Variants in USH2A observed in about 807,000 individuals in gnomAD.
The protein encoded by USH2A is usherin.
A neutral mutation model predicts 538.9 loss-of-function variants in USH2A; 443 were observed. That is an observed-to-expected ratio of 0.82 (90% confidence interval 0.76 to 0.89). The LOEUF is 0.89. USH2A is among the 40% of genes least tolerant of loss of function. The pLI is 0.00. For missense variants in USH2A, 6,633 were observed against 6,324.8 expected (o/e 1.05, Z -1.65); for synonymous variants, 2,413 against 2,273.5 (o/e 1.06, Z -1.75).
intron 71 of USH2A, 36 bp from the exon 72 acceptor site, chr1:215,625,906 T>TG (rs1316736085): frequency 6.4e-7 from 1 of 1,563,880 alleles, no homozygotes; most frequent in Admixed American, 1.7e-5. Flanking sequence ...GCTACATACT[T>TG]GCTATCAATA....
At chr1:216,289,170 T>G in intron 11 of USH2A, 110 bp downstream of exon 11, 10 of 1,506,408 alleles carry the variant, frequency 6.6e-6, no homozygotes, top group African/African-American at 1.4e-5. Context: ...CAAATGCACA[T>G]AGAGGATTTC....
At chr1:216,212,259 G>C (rs1366121858) in intron 15 of USH2A, among the ~76,000 whole-genome samples, 1 of 152,130 alleles carries the variant, frequency 6.6e-6, no homozygotes, top group Non-Finnish European at 1.5e-5. Context: ...AATCTTGTCT[G>C]ACTCCACAGC....
At chr1:215,810,557 CACTATT>C (rs1662639002) in intron 49 of USH2A, among the ~76,000 whole-genome samples, 2 of 152,210 alleles carry the variant, frequency 1.3e-5, no homozygotes, top group Admixed American at 1.3e-4. Context: ...GAAATGAAAA[CACTATT>C]ACTTAGTTCC....
chr1:216,026,410 C>T (rs992939021), intron 32 of USH2A, among the ~76,000 whole-genome samples: 1 of 152,042 alleles, frequency 6.6e-6, no homozygotes, highest in East Asian at 1.9e-4. Flanking sequence ...ATGAGCTTTG[C>T]AATAGTCATG....
Position 215,759,767 on chromosome 1 carries a change from G to C in USH2A, c.11124C>G (p.Pro3708=), listed in dbSNP as rs773828586. ...ATTGATATTGAGAAACGAGGCCATT[G>C]GGCTTTTCTGGCAGACTCCAATATA... ...VELYWSLPEK[P]NGLVSQYQLS... Residue 3708 remains proline, a synonymous_variant, in exon 57 of 72, where the codon CCC becomes CCG. Transcript: ENST00000307340. 6.2e-6 allele frequency: 10 copies of C among 1,614,046 alleles called. No homozygotes were observed. In the Admixed American group the frequency reaches 1.7e-4, roughly 27 times the overall value.
chr1:215,799,718 C>T (rs1275268531), intron 49 of USH2A, among the ~76,000 whole-genome samples: 2 of 152,042 alleles, frequency 1.3e-5, no homozygotes, highest in Non-Finnish European at 2.9e-5. Flanking sequence ...AGGTGTGGTG[C>T]TTTACACCTG....
chr1:215,817,931 T>C (rs932045694), intron 47 of USH2A, among the ~76,000 whole-genome samples: 1 of 152,012 alleles, frequency 6.6e-6, no homozygotes, highest in African/African-American at 2.4e-5. Context: ...TTCCTCTTTC[T>C]TCTCCTACTT....
chr1:215,680,428 A>G (rs779020245), intron 61 of USH2A, 52 bp from the exon 62 acceptor site: 2 of 1,568,888 alleles, frequency 1.3e-6, no homozygotes, highest in South Asian at 1.1e-5. Flanking sequence ...TGAAACTGAC[A>G]ATATTGCTGG....
At chr1:215,946,961 A>C (rs1666774095) in intron 37 of USH2A, among the ~76,000 whole-genome samples, 1 of 152,050 alleles carries the variant, frequency 6.6e-6, no homozygotes, top group Non-Finnish European at 1.5e-5. Flanking sequence ...AAAATAATGT[A>C]TTATCTCATT....
intron 28 of USH2A, 24 bp downstream of exon 28, chr1:216,073,073 T>G (rs748590919): frequency 6.2e-7 from 1 of 1,613,724 alleles, no homozygotes; most frequent in Non-Finnish European, 8.5e-7. Context: ...ATGTAACATT[T>G]AATTTAGAGG....
chr1:216,206,618 T>C (rs149288247), intron 16 of USH2A, among the ~76,000 whole-genome samples: 16 of 152,258 alleles, frequency 1.1e-4, no homozygotes, highest in African/African-American at 2.2e-4. Flanking sequence ...AGCCTGGGGA[T>C]TGGGGACCCC....
At chr1:216,287,202 A>T (rs1285439430) in intron 11 of USH2A, among the ~76,000 whole-genome samples, 1 of 152,234 alleles carries the variant, frequency 6.6e-6, no homozygotes, top group Non-Finnish European at 1.5e-5. Flanking sequence ...AAAAGATCAC[A>T]TGATCATAAT....
At chr1:216,371,219 C>T (rs946748995) in intron 3 of USH2A, among the ~76,000 whole-genome samples, 1 of 152,206 alleles carries the variant, frequency 6.6e-6, no homozygotes, top group Non-Finnish European at 1.5e-5. Context: ...AATCCCTTTT[C>T]CATGTGAGAG....
intron 50 of USH2A, among the ~76,000 whole-genome samples, chr1:215,791,953 A>G (rs1353552113): frequency 1.3e-5 from 2 of 152,090 alleles, no homozygotes; most frequent in Non-Finnish European, 2.9e-5. Flanking sequence ...TTGTTCGGGC[A>G]TTTTTCTGCC....
At chr1:216,253,517 C>T (rs550490725) in intron 11 of USH2A, among the ~76,000 whole-genome samples, 1 of 152,086 alleles carries the variant, frequency 6.6e-6, no homozygotes. Context: ...AGCGTCCTTG[C>T]CTTTTGAAAT....
In USH2A at chr1:216,028,254, G is replaced by T. The variant is rs547580152; in HGVS notation, c.6325+18177C>A. On this transcript the variant is annotated intron_variant, in intron 32 of 71. Coordinates refer to ENST00000307340, the MANE Select transcript of USH2A (RefSeq NM_206933.4). The stretch of plus-strand genomic sequence containing the variant: ...AGTACAAAAATTAGCTGGGTGTGGT[G>T]GTGCATGCCTGTAATCGCAGCTACT... Among the ~76,000 whole-genome samples the T allele has an allele frequency of 3.3e-5, 5 of 152,182 alleles. No homozygotes were observed. The South Asian group carries it at 1.0e-3, about 32-fold the overall frequency.
intron 21 of USH2A, chr1:216,174,941 A>AATAAT (rs2034344836): frequency 8.4e-7 from 1 of 1,197,244 alleles, no homozygotes; most frequent in African/African-American, 1.6e-5. Flanking sequence ...GAACACAGTG[A>AATAAT]ATAATATTTC....
intron 32 of USH2A, among the ~76,000 whole-genome samples, chr1:216,004,294 A>C (rs1668340442): frequency 6.6e-6 from 1 of 152,182 alleles, no homozygotes; most frequent in African/African-American, 2.4e-5. Context: ...GTGAGAATAG[A>C]TATAAAAGAG....
At chr1:215,816,585 C>T (rs967335432) in intron 48 of USH2A, among the ~76,000 whole-genome samples, 1 of 151,872 alleles carries the variant, frequency 6.6e-6, no homozygotes, top group Non-Finnish European at 1.5e-5. Flanking sequence ...ATTTCTAAAC[C>T]GCATCTAATA....
Sources: gnomAD v4.1 joint callset for allele counts (sites outside exome capture counted in the v4.1 genomes callset) on GRCh38, gnomAD v4.1.1 for gene constraint, MANE v1.5 for transcripts, NCBI Gene and HGNC (gene_info 2026-07-23, HGNC 2026-07-21) for gene names.